NOX4: variants seen among roughly 807,000 people sequenced by gnomAD.
The protein encoded by NOX4 is kidney oxidase-1.
A neutral mutation model predicts 87.6 loss-of-function variants in NOX4; 69 were observed. The observed-to-expected ratio is 0.79, with a 90% CI of 0.65 to 0.96. The LOEUF (loss-of-function observed/expected upper bound fraction) is 0.96, where lower values mean the gene tolerates loss of function less well. Among genes scored for constraint, NOX4 ranks in the 40% least tolerant of loss-of-function variants. The pLI is 0.00. For synonymous variants in NOX4, 275 were observed against 238.2 expected (o/e 1.15, Z -1.42); for missense variants, 680 against 681.5 (o/e 1.00, Z 0.02).
At chr11:89,495,397 G>T (rs1259097970), upstream of NOX4, among the ~76,000 whole-genome samples, 1 of 151,528 alleles carries the variant, frequency 6.6e-6, no homozygotes, top group African/African-American at 2.4e-5. Flanking sequence ...TGGTCACATT[G>T]CCTCCTCCTC....
chr11:89,369,568 G>A lies in NOX4; in HGVS notation c.1135+3864C>T, dbSNP rs547713888. On this transcript the variant is annotated intron_variant, in intron 12 of 17. Transcript: ENST00000263317. The stretch of plus-strand genomic sequence containing the variant: ...TATTATCTTCCACAAATGACTAATC[G>A]TTGTAATTCACTAGTCATGGCAACA... 9.0e-4 allele frequency among the ~76,000 whole-genome samples: 137 copies of A among 152,084 alleles called. 1 individual carries two copies. Among genetic ancestry groups the A allele is most frequent in the African/African-American group, 3.0e-3 (126 of 41,518 alleles).
chr11:89,523,772 A>T, the NOX4 span, among the ~76,000 whole-genome samples: 1 of 152,338 alleles, frequency 6.6e-6, no homozygotes, highest in South Asian at 2.1e-4. Context: ...ATACTCATGC[A>T]AGGAAACCTA....
At chr11:89,466,522 A>G (rs1485147170) in intron 2 of NOX4, among the ~76,000 whole-genome samples, 1 of 152,162 alleles carries the variant, frequency 6.6e-6, no homozygotes, top group Admixed American at 6.5e-5. Flanking sequence ...TTCACTAAAC[A>G]TTGGTCTGTA....
intron 12 of NOX4, among the ~76,000 whole-genome samples, chr11:89,356,920 T>G (rs1565192366): frequency 6.6e-6 from 1 of 152,148 alleles, no homozygotes; most frequent in Admixed American, 6.6e-5. Context: ...GAACAGCAAG[T>G]GGACCCATAC....
chr11:89,534,937 C>A, the NOX4 span, among the ~76,000 whole-genome samples: 1 of 152,176 alleles, frequency 6.6e-6, no homozygotes, highest in Non-Finnish European at 1.5e-5. Context: ...AGGAAGAATT[C>A]TCTAAAAGCC....
intron 8 of NOX4, among the ~76,000 whole-genome samples, chr11:89,412,518 T>C (rs1942533001): frequency 6.6e-6 from 1 of 152,090 alleles, no homozygotes; most frequent in Non-Finnish European, 1.5e-5. Context: ...TTTTGGAAAC[T>C]ATACAAATAC....
At chr11:89,542,788 C>A in the NOX4 span, among the ~76,000 whole-genome samples, 1 of 152,142 alleles carries the variant, frequency 6.6e-6, no homozygotes, top group South Asian at 2.1e-4. Context: ...AAAATAAAAG[C>A]ATTTTCAATT....
chr11:89,526,810 C>T, the NOX4 span, among the ~76,000 whole-genome samples: 1 of 152,090 alleles, frequency 6.6e-6, no homozygotes, highest in Non-Finnish European at 1.5e-5. Context: ...TTACCCAGTC[C>T]CAGGCAGTTC....
intron 2 of NOX4, among the ~76,000 whole-genome samples, chr11:89,486,769 T>G (rs555238623): frequency 1.3e-5 from 2 of 151,380 alleles, no homozygotes; most frequent in South Asian, 4.2e-4. Context: ...TCTCACTTTG[T>G]TGCTCTGGCT....
intron 8 of NOX4, among the ~76,000 whole-genome samples, chr11:89,406,472 C>T (rs548034491): frequency 6.6e-6 from 1 of 152,236 alleles, no homozygotes; most frequent in African/African-American, 2.4e-5. Context: ...AACAATACTG[C>T]CCCTGCTTCT....
At chr11:89,522,304 C>G in the NOX4 span, among the ~76,000 whole-genome samples, 1 of 152,238 alleles carries the variant, frequency 6.6e-6, no homozygotes, top group Non-Finnish European at 1.5e-5. Context: ...AAATGTGACA[C>G]AGATACACCA....
At chr11:89,544,680 G>A in the NOX4 span, among the ~76,000 whole-genome samples, 10 of 152,002 alleles carry the variant, frequency 6.6e-5, no homozygotes, top group Non-Finnish European at 1.3e-4. Context: ...TTTACAACAC[G>A]GTTAGTTACG....
the NOX4 span, among the ~76,000 whole-genome samples, chr11:89,583,077 A>T: frequency 6.6e-6 from 1 of 152,108 alleles, no homozygotes; most frequent in African/African-American, 2.4e-5. Context: ...AAATAACACC[A>T]CTTCTTTTAT....
chr11:89,388,767 CA>C (rs1200431606), intron 11 of NOX4, among the ~76,000 whole-genome samples: 3 of 152,168 alleles, frequency 2.0e-5, no homozygotes, highest in Non-Finnish European at 4.4e-5. Context: ...TCAGTTACTA[CA>C]TACTGAAGAA....
chr11:89,352,738 T>C (rs1937655217), intron 13 of NOX4, among the ~76,000 whole-genome samples: 1 of 152,186 alleles, frequency 6.6e-6, no homozygotes, highest in Non-Finnish European at 1.5e-5. Context: ...AATCTCATGA[T>C]ATAATGTTAA....
At chr11:89,558,782 C>T in the NOX4 span, among the ~76,000 whole-genome samples, 80,816 of 151,786 alleles carry the variant, frequency 0.53, 22,655 homozygotes, top group African/African-American at 0.71. Flanking sequence ...ATTCTTTTAT[C>T]AGAATAAATT....
chr11:89,526,754 G>A, the NOX4 span, among the ~76,000 whole-genome samples: 55 of 152,208 alleles, frequency 3.6e-4, no homozygotes, highest in African/African-American at 1.3e-3. Flanking sequence ...GAGGCCTCCC[G>A]AGCCATGCTG....
chr11:89,372,552 C>T (rs1939524009), intron 12 of NOX4, among the ~76,000 whole-genome samples: 1 of 151,894 alleles, frequency 6.6e-6, no homozygotes, highest in African/African-American at 2.4e-5. Context: ...CTGTGACTTT[C>T]ACTTAAATTA....
chr11:89,326,585 T>A lies in NOX4; in HGVS notation c.*171A>T. 2.0e-6 allele frequency: 1 copy of A among 496,830 alleles called. No individual in the cohort carries two copies. Among genetic ancestry groups the A allele is most frequent in the Non-Finnish European group, 3.5e-6 (1 of 285,802 alleles). 30.8% of individuals were successfully genotyped at this position (496,830 alleles called of 1,614,324 possible). ...GTCTCTTTGGTTTCCAGATTAAACA[T>A]GTAATGTGACGGTCATCTTGCCACA... On this transcript the variant is annotated 3_prime_UTR_variant, in exon 18 of 18. Transcript: ENST00000263317.
Sources: allele counts gnomAD v4.1 joint callset (sites outside exome capture counted in the v4.1 genomes callset), GRCh38; gene constraint gnomAD v4.1.1; transcripts MANE v1.5; gene names NCBI Gene and HGNC (gene_info 2026-07-23, HGNC 2026-07-21).